COG6: variants seen among roughly 807,000 people sequenced by gnomAD.
COG6 encodes the protein component of oligomeric golgi complex 6, also known as conserved oligomeric Golgi complex subunit 6.
COG6 carries 74 observed loss-of-function variants against 88.8 expected under a neutral mutation model. The observed-to-expected ratio is 0.83, with a 90% CI of 0.69 to 1.01. The LOEUF is 1.01. Ranked by LOEUF, COG6 falls within the 50% of genes least tolerant of loss-of-function variation. The pLI, the probability that COG6 is intolerant of heterozygous loss-of-function variation, is 0.00. For missense variants in COG6, 800 were observed against 797.9 expected (o/e 1.00, Z -0.03); for synonymous variants, 286 against 278.7 (o/e 1.03, Z -0.26).
At chr13:39,788,300 C>T (rs1482360751) in intron 18 of COG6, 3 of 1,551,122 alleles carry the variant, frequency 1.9e-6, no homozygotes, top group Non-Finnish European at 2.6e-6. Flanking sequence ...GCACCATCAG[C>T]AACATTGTCT....
intron 18 of COG6, among the ~76,000 whole-genome samples, chr13:39,775,959 G>C (rs1295040242): frequency 3.9e-5 from 6 of 152,016 alleles, no homozygotes; most frequent in African/African-American, 1.4e-4. Flanking sequence ...AATAGAGATG[G>C]GGTTTCTCCA....
rs554471492 is a variant in COG6, at chr13:39,719,085, G to A, written c.1285-151G>A. ...TCTCACTTTGTGTGCTGTTAATATAGTTCAAAGTAAGCTATTGATAAATTA... is the reference window on the plus strand; with the variant it reads ...TCTCACTTTGTGTGCTGTTAATATAATTCAAAGTAAGCTATTGATAAATTA... On this transcript the variant is annotated intron_variant, in intron 13 of 18. Coordinates refer to ENST00000455146, the MANE Select transcript of COG6 (RefSeq NM_020751.3). 2.7e-4 allele frequency: 194 copies of A among 727,244 alleles called. 9 individuals carry two copies. The South Asian group carries it at 2.9e-3, about 11-fold the overall frequency. The allele number at this position is 727,244 out of a possible 1,614,324, so 45.0% of individuals were successfully genotyped here. A position where few individuals can be genotyped will look rare whatever the true frequency, so the allele number is the denominator to read the frequency against.
At chr13:39,791,336 G>C (rs899759577) in exon 19 of COG6, 1 of 151,926 alleles carries the variant, frequency 6.6e-6, no homozygotes, top group African/African-American at 2.4e-5. Flanking sequence ...CTTCTCTTTC[G>C]ACTAATTAAT....
chr13:39,694,957 A>G (rs74044145), intron 12 of COG6, among the ~76,000 whole-genome samples: 134 of 73,116 alleles, frequency 1.8e-3, no homozygotes, highest in African/African-American at 5.4e-3. Context: ...AACTACACGC[A>G]CACACACACA....
chr13:39,698,500 A>T (rs1877399100), intron 12 of COG6, among the ~76,000 whole-genome samples: 1 of 151,888 alleles, frequency 6.6e-6, no homozygotes, highest in Admixed American at 6.6e-5. Flanking sequence ...CATTGTTTTC[A>T]TGAACTATGT....
chr13:39,755,191 G>T (rs150618808), downstream of COG6, among the ~76,000 whole-genome samples: 29 of 151,756 alleles, frequency 1.9e-4, 2 homozygotes, highest in East Asian at 5.4e-3. Context: ...TAAAAAAAGA[G>T]AAAAAAAAGC....
intron 4 of COG6, among the ~76,000 whole-genome samples, chr13:39,675,604 A>C (rs906977724): frequency 3.9e-5 from 6 of 152,032 alleles, no homozygotes; most frequent in Non-Finnish European, 5.9e-5. Context: ...TTATCTCATG[A>C]TTGATTTTTA....
At chr13:39,725,374 A>T (rs1294428439) in intron 17 of COG6, among the ~76,000 whole-genome samples, 1 of 151,918 alleles carries the variant, frequency 6.6e-6, no homozygotes, top group East Asian at 1.9e-4. Context: ...TAAACTAGTG[A>T]TCCTAAGTAT....
Position 39,719,362 on chromosome 13 carries a change from G to A in COG6, c.1411G>A (p.Val471Met), listed in dbSNP as rs763635930. 3.7e-6 allele frequency: 6 copies of A among 1,612,004 alleles called. No individual in the cohort carries two copies. Among genetic ancestry groups the A allele is most frequent in the Non-Finnish European group, 4.2e-6 (5 of 1,178,770 alleles). ...ATTAGATGCTCGTCAAGCTGATTTT[G>A]TGCAGGTATGTTATAAATTCATTTT... ...VPLDARQADFVQVLSCVLDPL... is the reference protein window; with the variant it reads ...VPLDARQADFMQVLSCVLDPL... Residue 471 changes from valine (V) to methionine (M), a missense_variant, in exon 14 of 19, where the codon GTG becomes ATG. Coordinates refer to ENST00000455146, the MANE Select transcript of COG6 (RefSeq NM_020751.3).
chr13:39,674,958 TG>T, intron 4 of COG6, among the ~76,000 whole-genome samples: 1 of 152,212 alleles, frequency 6.6e-6, no homozygotes, highest in South Asian at 2.1e-4. Context: ...TAAAAATAAG[TG>T]GGGATTCCTA....
intron 18 of COG6, among the ~76,000 whole-genome samples, chr13:39,774,189 C>G (rs1390709703): frequency 1.3e-5 from 2 of 152,150 alleles, no homozygotes; most frequent in Non-Finnish European, 2.9e-5. Flanking sequence ...TCAAAGTCTT[C>G]CACATTATTC....
chr13:39,762,733 A>G (rs536963316), intron 18 of COG6, among the ~76,000 whole-genome samples: 1 of 150,520 alleles, frequency 6.6e-6, no homozygotes, highest in East Asian at 1.9e-4. Context: ...AGTTTTCTCT[A>G]TATAGATCTA....
chr13:39,710,316 T>G, intron 13 of COG6, among the ~76,000 whole-genome samples: 1 of 152,152 alleles, frequency 6.6e-6, no homozygotes, highest in South Asian at 2.1e-4. Flanking sequence ...AGAGTTGATT[T>G]TGATCGTTGA....
chr13:39,720,882 C>T (rs531486756), intron 15 of COG6, among the ~76,000 whole-genome samples: 1 of 151,912 alleles, frequency 6.6e-6, no homozygotes, highest in East Asian at 1.9e-4. Context: ...CCCCAACCCC[C>T]CTGGATAAGA....
At chr13:39,661,023 A>G in intron 3 of COG6, 142 bp downstream of exon 3, 1 of 647,260 alleles carries the variant, frequency 1.5e-6, no homozygotes, top group Non-Finnish European at 2.7e-6. Flanking sequence ...TAAAAATTGT[A>G]GCTATCTTTG....
intron 11 of COG6, 56 bp downstream of exon 11, chr13:39,689,880 A>G (rs1193260732): frequency 1.8e-6 from 2 of 1,117,634 alleles, no homozygotes; most frequent in African/African-American, 3.1e-5. Flanking sequence ...TTATTACCTT[A>G]TTTATAGAAA....
intron 18 of COG6, among the ~76,000 whole-genome samples, chr13:39,735,069 G>C (rs1879662690): frequency 6.6e-6 from 1 of 151,728 alleles, no homozygotes; most frequent in Admixed American, 6.6e-5. Context: ...ACCACTCTGT[G>C]ACTTTTTGTT....
intron 8 of COG6, among the ~76,000 whole-genome samples, chr13:39,685,061 CAA>C (rs1250086491): frequency 6.6e-6 from 1 of 152,070 alleles, no homozygotes; most frequent in Non-Finnish European, 1.5e-5. Context: ...TGTTGTGTTT[CAA>C]AGAGGCACTT....
chr13:39,678,747 G>A lies in COG6; in HGVS notation c.541-791G>A, dbSNP rs957190629. Among the ~76,000 whole-genome samples the A allele has an allele frequency of 3.9e-5, 6 of 151,956 alleles. No homozygotes were observed. In the South Asian group the frequency reaches 1.2e-3, roughly 32 times the overall value. ...TCTCTGAGTAGGTATCACTTTTACTGGCTTGGCTAAAATGGAACCAGTCAT... is the reference window on the plus strand; with the variant it reads ...TCTCTGAGTAGGTATCACTTTTACTAGCTTGGCTAAAATGGAACCAGTCAT... On this transcript the variant is annotated intron_variant, in intron 5 of 18. Transcript: ENST00000455146.
Sources: gnomAD v4.1 joint callset for allele counts (sites outside exome capture counted in the v4.1 genomes callset) on GRCh38, gnomAD v4.1.1 for gene constraint, MANE v1.5 for transcripts, NCBI Gene and HGNC (gene_info 2026-07-23, HGNC 2026-07-21) for gene names.